The following ABCC8 variants were observed in gnomAD, a reference collection of about 807,000 sequenced individuals.
ABCC8 encodes the protein ATP-binding cassette sub-family C member 8.
ABCC8 carries 137 observed loss-of-function variants against 188.0 expected under a neutral mutation model. The ratio of observed to expected loss-of-function variants is 0.73; its 90% confidence interval spans 0.63 to 0.84. ABCC8 has a LOEUF of 0.84. ABCC8 is among the 40% of genes least tolerant of loss of function. The pLI, the probability that ABCC8 is intolerant of heterozygous loss-of-function variation, is 0.00. For synonymous variants in ABCC8, 797 were observed against 846.5 expected (o/e 0.94, Z 1.01); for missense variants, 1,750 against 2,072.7 (o/e 0.84, Z 3.02).
chr11:17,406,013 G>T (rs1466895908), intron 26 of ABCC8, among the ~76,000 whole-genome samples: 5 of 152,220 alleles, frequency 3.3e-5, no homozygotes. Flanking sequence ...CCATATCTGT[G>T]GGCCACAGAA....
chr11:17,410,765 A>G, intron 21 of ABCC8, 112 bp from the exon 22 acceptor site: 1 of 1,511,562 alleles, frequency 6.6e-7, no homozygotes, highest in South Asian at 1.2e-5. Flanking sequence ...TAGGGACTGA[A>G]GCTAGTTAGC....
chr11:17,393,783 T>A lies in ABCC8; in HGVS notation c.4546-24A>T, dbSNP rs767298817. 7 of 1,614,066 alleles carry A rather than the reference T, an allele frequency of 4.3e-6. No homozygotes were observed. In the South Asian group the frequency reaches 7.7e-5, roughly 18 times the overall value. ...TCCTGCCAAGTGGGGGCAACAGCTG[T>A]TGGCTCACCTGCCCAGTGGATGGGG... On this transcript the variant is annotated intron_variant, in intron 37 of 38. Transcript: ENST00000389817.
intron 5 of ABCC8, chr11:17,461,190 A>G (rs1957175868): frequency 2.8e-6 from 1 of 353,828 alleles, no homozygotes; most frequent in Non-Finnish European, 5.4e-6. Context: ...TCATAGAGTT[A>G]CCATAAGGAT....
intron 16 of ABCC8, among the ~76,000 whole-genome samples, chr11:17,424,001 C>A (rs1398953817): frequency 6.6e-6 from 1 of 152,190 alleles, no homozygotes; most frequent in African/African-American, 2.4e-5. Context: ...GAGTTCGGTG[C>A]AGACTGACTG....
chr11:17,405,661 A>T, intron 26 of ABCC8, 98 bp from the exon 27 acceptor site: 1 of 1,594,072 alleles, frequency 6.3e-7, no homozygotes, highest in Non-Finnish European at 8.6e-7. Flanking sequence ...GTGTCTCTGG[A>T]GTCATTCATG....
Position 17,407,112 on chromosome 11 carries a change from C to T in ABCC8, c.2938G>A (p.Glu980Lys), listed in dbSNP as rs1254230359. Residue 980 changes from glutamate to lysine, a missense_variant, in exon 25 of 39, where the codon GAG (glutamate) becomes AAG (lysine). Coordinates refer to ENST00000389817, the MANE Select transcript of ABCC8 (RefSeq NM_000352.6). ...EEEEEEAAES[E>K]EDDNLSSMLH... ...ATGGACGACAGGTTGTCATCCTCCTCGCTCTCAGCTGCCTCCTCTGCAGGC... is the reference window on the plus strand; with the variant it reads ...ATGGACGACAGGTTGTCATCCTCCTTGCTCTCAGCTGCCTCCTCTGCAGGC... 8 of 1,612,654 alleles carry T rather than the reference C, an allele frequency of 5.0e-6. No individual in the cohort carries two copies. The African/African-American group carries it at 5.3e-5, about 11-fold the overall frequency.
At chr11:17,428,765 A>G in intron 12 of ABCC8, 95 bp from the exon 13 acceptor site, 2 of 1,564,322 alleles carry the variant, frequency 1.3e-6, no homozygotes, top group Non-Finnish European at 1.7e-6. Flanking sequence ...GCAGGATCTC[A>G]GGCCTGAAGT....
chr11:17,432,784 G>A (rs902505997), intron 10 of ABCC8, among the ~76,000 whole-genome samples: 6 of 152,124 alleles, frequency 3.9e-5, no homozygotes, highest in African/African-American at 7.2e-5. Flanking sequence ...TGGGGTAGCT[G>A]GTTTGCTGCA....
At chr11:17,469,818 C>G (rs957957618) in intron 3 of ABCC8, among the ~76,000 whole-genome samples, 1 of 152,162 alleles carries the variant, frequency 6.6e-6, no homozygotes, top group African/African-American at 2.4e-5. Context: ...CCTTCCCTGA[C>G]CATCCTGTGT....
intron 22 of ABCC8, among the ~76,000 whole-genome samples, chr11:17,409,569 T>C (rs1194802225): frequency 1.3e-5 from 2 of 152,198 alleles, no homozygotes; most frequent in East Asian, 3.9e-4. Context: ...TTTCTTTGGG[T>C]CTTCTTTATA....
intron 2 of ABCC8, among the ~76,000 whole-genome samples, chr11:17,471,719 C>T (rs1338477252): frequency 6.6e-6 from 1 of 152,184 alleles, no homozygotes. Flanking sequence ...AGGCAGCCAC[C>T]TTGTGACCAT....
At chr11:17,435,202 C>T (rs1956031886) in intron 10 of ABCC8, among the ~76,000 whole-genome samples, 2 of 152,092 alleles carry the variant, frequency 1.3e-5, no homozygotes, top group Admixed American at 1.3e-4. Flanking sequence ...CTTTCAATAA[C>T]ACTGCGTAGG....
At position 17,457,453 on chromosome 11, in the gene ABCC8, A is replaced by C. The variant is rs917456991; in HGVS notation, c.1011+3035T>G. ...AAGCTTTAGCCCTTCGATCAAACCC[A>C]GACTGTTCCTTCTTCCTTTGGCTCA... is the stretch of plus-strand genomic sequence containing the variant. On this transcript the variant is annotated intron_variant, in intron 6 of 38. Transcript: ENST00000389817. Among the ~76,000 whole-genome samples the C allele has an allele frequency of 1.3e-4, 20 of 152,346 alleles. 1 individual carries two copies. The highest frequency in any genetic ancestry group is 6.2e-4 in the South Asian group (3 of 4,830).
intron 21 of ABCC8, among the ~76,000 whole-genome samples, chr11:17,412,305 T>C (rs571293340): frequency 5.3e-5 from 8 of 152,360 alleles, no homozygotes; most frequent in African/African-American, 1.9e-4. Flanking sequence ...TAGCAATGTC[T>C]GCACTGGGCA....
At chr11:17,411,652 C>T (rs1430811077) in intron 21 of ABCC8, among the ~76,000 whole-genome samples, 1 of 152,170 alleles carries the variant, frequency 6.6e-6, no homozygotes, top group Non-Finnish European at 1.5e-5. Flanking sequence ...CTCCAGGAAG[C>T]CCTCCCTGAT....
rs560202305 is a variant in ABCC8 at position 17,433,151 on chromosome 11, A to G, written c.1631-907T>C. Reference sequence around the variant, plus strand: ...TCTGGCCTAGGGTGTAAAATGCTCAACAGTGCCCTGACCCCAGGCCTAAAT... The same window carrying G: ...TCTGGCCTAGGGTGTAAAATGCTCAGCAGTGCCCTGACCCCAGGCCTAAAT... On this transcript the variant is annotated intron_variant, in intron 10 of 38. Transcript: ENST00000389817. Among the ~76,000 whole-genome samples, 3 of 152,192 alleles carry G rather than the reference A, an allele frequency of 2.0e-5. No individual in the cohort carries two copies. The East Asian group carries it at 5.8e-4, about 29-fold the overall frequency.
At chr11:17,443,524 G>C in intron 8 of ABCC8, 1 of 649,476 alleles carries the variant, frequency 1.5e-6, no homozygotes, top group South Asian at 1.8e-5. Context: ...TGCAAGCAGA[G>C]GGTTGCTGGG....
intron 19 of ABCC8, among the ~76,000 whole-genome samples, chr11:17,414,134 G>A (rs1277539337): frequency 1.3e-5 from 2 of 152,232 alleles, no homozygotes; most frequent in African/African-American, 2.4e-5. Context: ...GCTCGGCACT[G>A]TGCCTGGTAT....
At chr11:17,401,215 C>T (rs561326122) in intron 29 of ABCC8, among the ~76,000 whole-genome samples, 20 of 152,268 alleles carry the variant, frequency 1.3e-4, no homozygotes, top group South Asian at 1.2e-3. Context: ...TCAGTAATGT[C>T]GAGGGACCTG....
Sources: gnomAD v4.1 joint callset for allele counts (sites outside exome capture counted in the v4.1 genomes callset) on GRCh38, gnomAD v4.1.1 for gene constraint, MANE v1.5 for transcripts, NCBI Gene and HGNC (gene_info 2026-07-23, HGNC 2026-07-21) for gene names.